The following PEPD variants were observed in gnomAD, a reference collection of about 807,000 sequenced individuals.
PEPD encodes the protein peptidase D.
In PEPD, 53 loss-of-function variants were observed where a neutral mutation model predicts 60.7. That is an observed-to-expected ratio of 0.87 (90% CI 0.70 to 1.10). PEPD has a LOEUF of 1.10. PEPD is among the 50% of genes least tolerant of loss of function. The probability of loss-of-function intolerance (pLI) is 0.00; values close to 1 mark genes in which losing one functional copy is unlikely to be tolerated. For missense variants in PEPD, 711 were observed against 711.9 expected (o/e 1.00, Z 0.01); for synonymous variants, 267 against 284.1 (o/e 0.94, Z 0.60).
In PEPD at chr19:33,387,954, G is replaced by C; in HGVS notation, c.1280C>G (p.Ala427Gly). 6.3e-7 allele frequency: 1 copy of C among 1,597,080 alleles called. No individual in the cohort carries two copies. The highest frequency in any genetic ancestry group is 8.5e-7 in the Non-Finnish European group (1 of 1,172,652). ...FIDHLLDEAL[A>G]DPARASFLNR... ...AAGGAAGGAGGCGCGGGCCGGGTCC[G>C]CCAGGGCCTCATCCAGGAGGTGGTC... Residue 427 changes from alanine (A) to glycine (G), a missense_variant, in exon 14 of 15, where the codon GCG (alanine) becomes GGG (glycine). By Grantham distance (60) the Ala-to-Gly change is moderately conservative. Coordinates refer to ENST00000244137, the MANE Select transcript of PEPD (RefSeq NM_000285.4).
chr19:33,512,030 C>T (rs1219318664), intron 2 of PEPD, among the ~76,000 whole-genome samples: 1 of 152,174 alleles, frequency 6.6e-6, no homozygotes, highest in East Asian at 1.9e-4. Context: ...CTTCGCATTC[C>T]CATCTCTCCT....
intron 9 of PEPD, among the ~76,000 whole-genome samples, chr19:33,416,266 C>T (rs985192394): frequency 6.6e-6 from 1 of 152,150 alleles, no homozygotes; most frequent in African/African-American, 2.4e-5. Context: ...CGTGGATGAC[C>T]GACATGCCAT....
At chr19:33,440,493 C>T (rs547149342) in intron 9 of PEPD, among the ~76,000 whole-genome samples, 117 of 152,208 alleles carry the variant, frequency 7.7e-4, no homozygotes, top group Non-Finnish European at 1.6e-3. Flanking sequence ...CTCCTCTGCT[C>T]GGCCCCTCAC....
At chr19:33,388,568 G>A (rs763134908) in intron 13 of PEPD, 15 of 265,994 alleles carry the variant, frequency 5.6e-5, no homozygotes, top group East Asian at 8.5e-5. Context: ...CCCCTAGGCC[G>A]AGGCCCAGAT....
At chr19:33,486,260 C>A (rs932368339) in intron 6 of PEPD, among the ~76,000 whole-genome samples, 2 of 110,070 alleles carry the variant, frequency 1.8e-5, no homozygotes, top group South Asian at 6.0e-4. Flanking sequence ...CCCAAACCAA[C>A]CCCCCATCAT....
chr19:33,393,935 G>A (rs1203484084), intron 12 of PEPD, among the ~76,000 whole-genome samples: 3 of 152,238 alleles, frequency 2.0e-5, no homozygotes, highest in African/African-American at 7.2e-5. Flanking sequence ...CTGCATAAAA[G>A]CTGTCCCCTC....
intron 4 of PEPD, among the ~76,000 whole-genome samples, chr19:33,499,141 T>C (rs1319564624): frequency 6.6e-6 from 1 of 152,268 alleles, no homozygotes; most frequent in South Asian, 2.1e-4. Context: ...AAACGTTCCG[T>C]CTATTTTAGA....
At chr19:33,477,548 A>C (rs1286335719) in intron 7 of PEPD, among the ~76,000 whole-genome samples, 1 of 152,254 alleles carries the variant, frequency 6.6e-6, no homozygotes, top group Non-Finnish European at 1.5e-5. Flanking sequence ...GGTGGCGCCC[A>C]GCATAAGACA....
At chr19:33,387,511 A>G (rs747689009) in intron 14 of PEPD, 30 bp from the exon 15 acceptor site, 2 of 1,612,264 alleles carry the variant, frequency 1.2e-6, no homozygotes, top group Non-Finnish European at 1.7e-6. Context: ...ACACATTATC[A>G]TAGAGCAGCC....
chr19:33,477,651 C>A (rs1432012640), intron 7 of PEPD, among the ~76,000 whole-genome samples: 1 of 152,186 alleles, frequency 6.6e-6, no homozygotes, highest in Non-Finnish European at 1.5e-5. Context: ...CAGAAGAATG[C>A]GTAGAACAGA....
chr19:33,470,338 A>G (rs1456952581), intron 7 of PEPD, among the ~76,000 whole-genome samples: 1 of 152,064 alleles, frequency 6.6e-6, no homozygotes, highest in Non-Finnish European at 1.5e-5. Flanking sequence ...CCTCAGGATG[A>G]AGGTAAACCT....
At chr19:33,507,717 G>C (rs1221237124) in intron 3 of PEPD, among the ~76,000 whole-genome samples, 2 of 152,150 alleles carry the variant, frequency 1.3e-5, no homozygotes, top group African/African-American at 4.8e-5. Context: ...ATTGATTCCA[G>C]GAGCGGCTGG....
chr19:33,465,423 A>G (rs2145276140), intron 7 of PEPD, among the ~76,000 whole-genome samples: 1 of 152,282 alleles, frequency 6.6e-6, no homozygotes, highest in Middle Eastern at 3.4e-3. Flanking sequence ...TGCTGGGTGC[A>G]CTGCCCAACT....
chr19:33,440,002 GC>G (rs1172528716), intron 9 of PEPD, among the ~76,000 whole-genome samples: 3 of 152,166 alleles, frequency 2.0e-5, no homozygotes, highest in Admixed American at 6.5e-5. Context: ...ACAGGTGTGA[GC>G]CAAGTGTCTG....
chr19:33,512,672 T>C lies in PEPD; in HGVS notation c.122A>G (p.Gln41Arg). The C allele has an allele frequency of 1.9e-6, 3 of 1,614,006 alleles. No individual in the cohort carries two copies. The highest frequency in any genetic ancestry group is 1.7e-6 in the Non-Finnish European group (2 of 1,179,986). The stretch of plus-strand genomic sequence containing the variant: ...CTGCAGGACCACGATGGAGCCGGCC[T>C]GCACAGCAGGGTTCTTCCGCAGCCG... Reference protein sequence around the residue: ...CERLRKNPAVQAGSIVVLQGG... With the variant: ...CERLRKNPAVRAGSIVVLQGG... The change falls in exon 2 of 15, where the codon CAG (glutamine) becomes CGG (arginine). Residue 41 changes from glutamine to arginine, a missense_variant. Coordinates refer to ENST00000244137, the MANE Select transcript of PEPD (RefSeq NM_000285.4).
At chr19:33,420,746 TA>T (rs144838931) in intron 9 of PEPD, among the ~76,000 whole-genome samples, 19 of 142,526 alleles carry the variant, frequency 1.3e-4, no homozygotes, top group South Asian at 2.2e-4. Context: ...TAGCTGTAAT[TA>T]AAAAAAAAAC....
At chr19:33,478,640 T>A (rs1970264321) in intron 6 of PEPD, among the ~76,000 whole-genome samples, 1 of 151,722 alleles carries the variant, frequency 6.6e-6, no homozygotes, top group Non-Finnish European at 1.5e-5. Context: ...TCAAAACCTA[T>A]GGTGGAGAGA....
intron 9 of PEPD, among the ~76,000 whole-genome samples, chr19:33,456,190 C>T (rs961486934): frequency 3.9e-5 from 6 of 152,196 alleles, no homozygotes; most frequent in South Asian, 4.2e-4. Flanking sequence ...CTGGCTCTGT[C>T]GAATCTCTGG....
chr19:33,401,576 G>T lies in PEPD; in HGVS notation c.967+145C>A. On this transcript the variant is annotated intron_variant, in intron 12 of 14. Transcript: ENST00000244137. ...CTAGGAGTGACCCTGGAGACCTGAC[G>T]CCACTGGAATCTCAGGGACTAAGCA... is the stretch of plus-strand genomic sequence containing the variant. The T allele has an allele frequency of 5.1e-6, 4 of 790,314 alleles. No homozygotes were observed. The South Asian group carries it at 6.0e-5, about 12-fold the overall frequency. 49.0% of individuals were successfully genotyped at this position (790,314 alleles called of 1,614,324 possible).
Sources: allele counts gnomAD v4.1 joint callset (sites outside exome capture counted in the v4.1 genomes callset), GRCh38; gene constraint gnomAD v4.1.1; transcripts MANE v1.5; gene names NCBI Gene and HGNC (gene_info 2026-07-23, HGNC 2026-07-21).